DLGAP1: variants seen among roughly 807,000 people sequenced by gnomAD.
The protein encoded by DLGAP1 is DLG associated protein 1.
A neutral mutation model predicts 90.8 loss-of-function variants in DLGAP1; 11 were observed. That is an observed-to-expected ratio of 0.12 (90% CI 0.08 to 0.20). The LOEUF (loss-of-function observed/expected upper bound fraction) is 0.20, where lower values mean the gene tolerates loss of function less well. Among genes scored for constraint, DLGAP1 ranks in the 10% least tolerant of loss-of-function variants. The pLI is 1.00. For synonymous variants in DLGAP1, 558 were observed against 540.7 expected (o/e 1.03, Z -0.44); for missense variants, 1,050 against 1,333.8 (o/e 0.79, Z 3.31).
At chr18:3,779,607 C>T (rs747366149) in intron 5 of DLGAP1, among the ~76,000 whole-genome samples, 1 of 152,084 alleles carries the variant, frequency 6.6e-6, no homozygotes, top group South Asian at 2.1e-4. Flanking sequence ...TTGATCTCCT[C>T]CATCTCTGCA....
intron 9 of DLGAP1, among the ~76,000 whole-genome samples, chr18:3,561,436 C>CAAAAAAA (rs68086553): frequency 3.9e-5 from 3 of 76,354 alleles, no homozygotes; most frequent in Non-Finnish European, 7.7e-5. Flanking sequence ...ACTCCATCTC[C>CAAAAAAA]AAAAAAAAAA....
chr18:4,028,807 A>G (rs1010693814), intron 2 of DLGAP1, among the ~76,000 whole-genome samples: 1 of 152,184 alleles, frequency 6.6e-6, no homozygotes, highest in African/African-American at 2.4e-5. Flanking sequence ...AGTTTTCTCA[A>G]ATGCATCACA....
chr18:3,889,732 G>A (rs2071410597), intron 3 of DLGAP1, among the ~76,000 whole-genome samples: 2 of 152,178 alleles, frequency 1.3e-5, no homozygotes, highest in South Asian at 4.1e-4. Context: ...CTAATGAGAT[G>A]CTCACTTTGG....
intron 3 of DLGAP1, among the ~76,000 whole-genome samples, chr18:3,988,982 T>C (rs2073905875): frequency 1.3e-5 from 2 of 152,186 alleles, no homozygotes; most frequent in South Asian, 2.1e-4. Flanking sequence ...TCACTGTCCT[T>C]TTCCAGAACA....
At chr18:3,585,457 A>G (rs2055823772) in intron 7 of DLGAP1, among the ~76,000 whole-genome samples, 1 of 152,246 alleles carries the variant, frequency 6.6e-6, no homozygotes, top group Non-Finnish European at 1.5e-5. Flanking sequence ...ACAGCATTGT[A>G]CCACTTCTCC....
chr18:3,879,220 G>C lies in DLGAP1; in HGVS notation c.849C>G (p.Leu283=). 6.3e-7 allele frequency: 1 copy of C among 1,579,288 alleles called. No individual in the cohort carries two copies. Among genetic ancestry groups the C allele is most frequent in the Non-Finnish European group, 8.6e-7 (1 of 1,162,224 alleles). The change falls in exon 4 of 13, where the codon CTC becomes CTG. Residue 283 remains leucine (L), a synonymous_variant. Coordinates refer to ENST00000315677, the MANE Select transcript of DLGAP1 (RefSeq NM_004746.4). The surrounding 1 kb of genome is among the most constrained non-coding windows in gnomAD (Gnocchi z 6.6). The part of the protein sequence containing the change: ...LLKKSAWSST[L]TVSRAREVYQ... ...AAACCTCCCGGGCCCGGCTCACGGT[G>C]AGCGTGGAGGACCAGGCGCTCTTCT... is the stretch of plus-strand genomic sequence containing the variant.
intron 2 of DLGAP1, among the ~76,000 whole-genome samples, chr18:4,015,153 C>G (rs1040107846): frequency 6.6e-6 from 1 of 152,136 alleles, no homozygotes; most frequent in African/African-American, 2.4e-5. Flanking sequence ...AAGTCCCACG[C>G]TGGAAAAACA....
At position 4,260,599 on chromosome 18, in the gene DLGAP1, T is replaced by C. The variant is rs575110943; in HGVS notation, c.-266-109312A>G. 8.5e-5 allele frequency among the ~76,000 whole-genome samples: 13 copies of C among 152,196 alleles called. 1 individual carries two copies. In the South Asian group the frequency reaches 2.5e-3, roughly 29 times the overall value. On this transcript the variant is annotated intron_variant, in intron 1 of 12. Coordinates refer to ENST00000315677, the MANE Select transcript of DLGAP1 (RefSeq NM_004746.4). ...ATTAAATATAAATGAATATCTCATA[T>C]GGCTAAATTGCTTTTATTATTTAAT... is the stretch of plus-strand genomic sequence containing the variant.
chr18:3,508,355 G>A (rs2050361090), intron 11 of DLGAP1, among the ~76,000 whole-genome samples: 1 of 152,094 alleles, frequency 6.6e-6, no homozygotes, highest in African/African-American at 2.4e-5. Context: ...TAACTTGACT[G>A]AATTTTTTCT....
At chr18:3,567,630 CT>C in intron 8 of DLGAP1, 49 bp from the exon 9 acceptor site, 1 of 1,510,902 alleles carries the variant, frequency 6.6e-7, no homozygotes, top group Non-Finnish European at 9.1e-7. Flanking sequence ...AGTCATCTTG[CT>C]TGAAAAACAA....
intron 7 of DLGAP1, among the ~76,000 whole-genome samples, chr18:3,651,630 T>C (rs2059306670): frequency 6.6e-6 from 1 of 151,902 alleles, no homozygotes; most frequent in Non-Finnish European, 1.5e-5. Context: ...CCGTCTCCAC[T>C]AAAAATACAA....
At chr18:4,145,081 C>A (rs578092793) in intron 2 of DLGAP1, among the ~76,000 whole-genome samples, 1 of 152,174 alleles carries the variant, frequency 6.6e-6, no homozygotes, top group African/African-American at 2.4e-5. Flanking sequence ...TATAACTTTT[C>A]TATTGTGAAG....
intron 2 of DLGAP1, among the ~76,000 whole-genome samples, chr18:4,141,538 T>C (rs901582370): frequency 2.0e-5 from 3 of 152,020 alleles, no homozygotes; most frequent in African/African-American, 7.2e-5. Flanking sequence ...AAAGTCTTAA[T>C]ATTATAAAAA....
chr18:3,676,141 G>C (rs1350767937), intron 7 of DLGAP1, among the ~76,000 whole-genome samples: 1 of 152,198 alleles, frequency 6.6e-6, no homozygotes, highest in Non-Finnish European at 1.5e-5. Context: ...TGTTCAAAAT[G>C]GCAGTCCCAT....
intron 1 of DLGAP1, among the ~76,000 whole-genome samples, chr18:4,212,731 C>T (rs944381496): frequency 1.3e-5 from 2 of 151,274 alleles, no homozygotes; most frequent in Non-Finnish European, 2.9e-5. Context: ...CCTCATAATA[C>T]AAATATTCTG....
intron 3 of DLGAP1, among the ~76,000 whole-genome samples, chr18:3,975,898 T>C (rs547105542): frequency 6.6e-6 from 1 of 152,200 alleles, no homozygotes; most frequent in Non-Finnish European, 1.5e-5. Flanking sequence ...GAAAGTAGAA[T>C]AGTGGTTACC....
At chr18:4,288,197 A>G (rs184755993) in intron 1 of DLGAP1, among the ~76,000 whole-genome samples, 4 of 152,156 alleles carry the variant, frequency 2.6e-5, no homozygotes, top group African/African-American at 9.7e-5. Context: ...ATATCTCCCA[A>G]TGCTATCTTT....
intron 1 of DLGAP1, among the ~76,000 whole-genome samples, chr18:4,312,714 T>TC (rs1424249475): frequency 9.9e-5 from 15 of 152,236 alleles, no homozygotes; most frequent in African/African-American, 3.4e-4. Context: ...CAGTTTTATT[T>TC]TACCATATTT....
At chr18:4,318,510 C>T (rs1374055050) in intron 1 of DLGAP1, among the ~76,000 whole-genome samples, 1 of 152,136 alleles carries the variant, frequency 6.6e-6, no homozygotes, top group African/African-American at 2.4e-5. Flanking sequence ...TGTGGACCTG[C>T]TTGGAATTCC....
Sources: gnomAD v4.1 joint callset for allele counts (sites outside exome capture counted in the v4.1 genomes callset) on GRCh38, gnomAD v4.1.1 for gene constraint, Gnocchi (gnomAD v3.1) non-coding constraint, MANE v1.5 for transcripts, NCBI Gene and HGNC (gene_info 2026-07-23, HGNC 2026-07-21) for gene names.